The following MYO16 variants were observed in gnomAD, a reference collection of about 807,000 sequenced individuals.
MYO16 encodes the protein unconventional myosin-XVI.
Under a neutral mutation model 205.3 loss-of-function variants are expected in MYO16, and 94 were observed. The observed-to-expected ratio is 0.46, with a 90% CI of 0.39 to 0.54. MYO16 has a LOEUF of 0.54. Ranked by LOEUF, MYO16 falls within the 20% of genes least tolerant of loss-of-function variation. MYO16 has a pLI of 0.00. For missense variants in MYO16, 2,315 were observed against 2,387.5 expected, an observed-to-expected ratio of 0.97 and a Z score of 0.63; for synonymous variants, 988 against 954.0, an observed-to-expected ratio of 1.04 and a Z score of -0.66.
chr13:109,180,725 A>C (rs1333834641), intron 34 of MYO16, among the ~76,000 whole-genome samples: 1 of 152,250 alleles, frequency 6.6e-6, no homozygotes, highest in Non-Finnish European at 1.5e-5. Flanking sequence ...TTCTGAAATC[A>C]CTTGCACTGA....
At chr13:108,510,459 C>CTTTT in the MYO16 span, among the ~76,000 whole-genome samples, 3 of 25,400 alleles carry the variant, frequency 1.2e-4, no homozygotes, top group Admixed American at 5.3e-4. Flanking sequence ...ACATTGATAG[C>CTTTT]TGTTTTTTTT....
At chr13:109,061,306 T>C (rs146041062) in intron 27 of MYO16, among the ~76,000 whole-genome samples, 157 of 152,346 alleles carry the variant, frequency 1.0e-3, no homozygotes, top group African/African-American at 3.8e-3. Flanking sequence ...CAATAACTTT[T>C]CTTTTGCATT....
At chr13:108,802,152 A>G (rs1047634004) in intron 6 of MYO16, among the ~76,000 whole-genome samples, 1 of 152,164 alleles carries the variant, frequency 6.6e-6, no homozygotes, top group Non-Finnish European at 1.5e-5. Flanking sequence ...TTTTGTTGAC[A>G]ATAGTCATCC....
chr13:108,902,430 C>A (rs1880755350), intron 15 of MYO16, among the ~76,000 whole-genome samples: 1 of 152,228 alleles, frequency 6.6e-6, no homozygotes, highest in South Asian at 2.1e-4. Flanking sequence ...TTAGCATAGA[C>A]TGAACGGGGT....
chr13:109,112,987 AC>A (rs1232477020), intron 28 of MYO16, among the ~76,000 whole-genome samples: 1 of 152,216 alleles, frequency 6.6e-6, no homozygotes, highest in East Asian at 1.9e-4. Flanking sequence ...TAAGAAGAAA[AC>A]CAGGACTTCA....
At position 108,678,318 on chromosome 13, in the gene MYO16, T is replaced by G. The variant is rs115322897; in HGVS notation, c.292+12169T>G. Among the ~76,000 whole-genome samples the G allele has an allele frequency of 3.9e-3, 594 of 152,300 alleles. 5 individuals carry two copies. Among genetic ancestry groups the G allele is most frequent in the African/African-American group, 0.014 (568 of 41,550 alleles). On this transcript the variant is annotated intron_variant, in intron 2 of 34. Coordinates refer to ENST00000457511, the MANE Select transcript of MYO16 (RefSeq NM_001198950.3). The stretch of plus-strand genomic sequence containing the variant: ...GTGCCTCTGACCTTCTCAAGATCAT[T>G]ACTCTTTCAGCCTTTCATGATCCAC...
At chr13:108,600,336 T>C (rs1472924539) in intron 1 of MYO16, among the ~76,000 whole-genome samples, 2 of 152,206 alleles carry the variant, frequency 1.3e-5, no homozygotes, top group Non-Finnish European at 2.9e-5. Flanking sequence ...TTGTATGAAA[T>C]GTGGGTAATT....
Position 108,700,077 on chromosome 13 carries a change from A to G in MYO16, c.293-12584A>G, listed in dbSNP as rs142705164. Among the ~76,000 whole-genome samples the G allele has an allele frequency of 8.3e-3, 1,269 of 152,240 alleles. 21 individuals are homozygous for G. Among genetic ancestry groups the G allele is most frequent in the African/African-American group, 0.028 (1,177 of 41,550 alleles). ...GCTGGGCATGGTGGTTCATGCCTAT[A>G]ATCCCAGCACTTTGGGAGGCTGAGG... On this transcript the variant is annotated intron_variant, in intron 2 of 34. Coordinates refer to ENST00000457511, the MANE Select transcript of MYO16 (RefSeq NM_001198950.3).
intron 9 of MYO16, among the ~76,000 whole-genome samples, chr13:108,843,975 T>C (rs1877381052): frequency 6.6e-6 from 1 of 152,158 alleles, no homozygotes; most frequent in Non-Finnish European, 1.5e-5. Flanking sequence ...ATGCCTTTAT[T>C]CAGTTGTTTG....
At chr13:109,130,436 G>T (rs1876479579) in intron 31 of MYO16, among the ~76,000 whole-genome samples, 2 of 152,208 alleles carry the variant, frequency 1.3e-5, no homozygotes, top group Non-Finnish European at 2.9e-5. Context: ...GAAAGTCTTT[G>T]ATCTCCTGCA....
intron 1 of MYO16, among the ~76,000 whole-genome samples, chr13:108,643,638 T>G (rs1880608577): frequency 6.6e-6 from 1 of 152,216 alleles, no homozygotes; most frequent in Non-Finnish European, 1.5e-5. Flanking sequence ...GGTTTATTCA[T>G]TTTTATTGTT....
chr13:108,919,148 T>A (rs971935133), intron 16 of MYO16, among the ~76,000 whole-genome samples: 1 of 152,146 alleles, frequency 6.6e-6, no homozygotes, highest in Non-Finnish European at 1.5e-5. Flanking sequence ...TTCCCAGTCA[T>A]GTGTATAAAA....
At chr13:108,748,387 C>T (rs963604697) in intron 4 of MYO16, among the ~76,000 whole-genome samples, 14 of 151,846 alleles carry the variant, frequency 9.2e-5, no homozygotes, top group African/African-American at 2.4e-4. Flanking sequence ...GCATTAAATA[C>T]GTGTATTAGA....
intron 21 of MYO16, among the ~76,000 whole-genome samples, chr13:109,003,723 G>A (rs1391508266): frequency 3.3e-5 from 5 of 151,976 alleles, no homozygotes; most frequent in African/African-American, 7.2e-5. Flanking sequence ...ATATTAGTAC[G>A]AAAAAAACAA....
the MYO16 span, among the ~76,000 whole-genome samples, chr13:108,510,461 G>GTTTTTTTTTTTTTTTTTT: frequency 2.2e-5 from 1 of 45,924 alleles, no homozygotes; most frequent in African/African-American, 1.0e-4. Flanking sequence ...ATTGATAGCT[G>GTTTTTTTTTTTTTTTTTT]TTTTTTTTTT....
intron 9 of MYO16, among the ~76,000 whole-genome samples, chr13:108,838,742 C>CTA (rs1206807476): frequency 1.7e-4 from 18 of 105,524 alleles, no homozygotes; most frequent in South Asian, 3.6e-4. Flanking sequence ...TATATATACA[C>CTA]TATATATATA....
At chr13:109,193,475 T>C (rs1469229688) in intron 34 of MYO16, among the ~76,000 whole-genome samples, 2 of 152,230 alleles carry the variant, frequency 1.3e-5, no homozygotes, top group East Asian at 3.8e-4. Flanking sequence ...TTGGGTTCTG[T>C]TACAATCCAG....
chr13:109,094,589 G>A (rs191369879), intron 27 of MYO16, among the ~76,000 whole-genome samples: 297 of 152,212 alleles, frequency 2.0e-3, no homozygotes, highest in Non-Finnish European at 3.6e-3. Context: ...GGTTTGTTAC[G>A]TAGGTATACA....
chr13:108,913,652 T>C (rs374244122), intron 16 of MYO16, among the ~76,000 whole-genome samples: 1 of 152,202 alleles, frequency 6.6e-6, no homozygotes, highest in African/African-American at 2.4e-5. Flanking sequence ...GTAAAGGATA[T>C]TGCTATTTGT....
Sources: allele counts gnomAD v4.1 joint callset (sites outside exome capture counted in the v4.1 genomes callset), GRCh38; gene constraint gnomAD v4.1.1; transcripts MANE v1.5; gene names NCBI Gene and HGNC (gene_info 2026-07-23, HGNC 2026-07-21).